Variants in RIMS2 observed in about 807,000 individuals in gnomAD.
The protein encoded by RIMS2 is regulating synaptic membrane exocytosis protein 2.
A neutral mutation model predicts 174.4 loss-of-function variants in RIMS2; 59 were observed. That is an observed-to-expected ratio of 0.34 (90% confidence interval 0.27 to 0.42). The LOEUF (loss-of-function observed/expected upper bound fraction) is 0.42, where lower values mean the gene tolerates loss of function less well. Ranked by LOEUF, RIMS2 falls within the 10% of genes least tolerant of loss-of-function variation. The pLI, the probability that RIMS2 is intolerant of heterozygous loss-of-function variation, is 1.00. For synonymous variants in RIMS2, 606 were observed against 572.5 expected (o/e 1.06, Z -0.84); for missense variants, 1,620 against 1,666.3 (o/e 0.97, Z 0.48).
chr8:103,824,983 C>T (rs1273866750), intron 3 of RIMS2, among the ~76,000 whole-genome samples: 6 of 152,142 alleles, frequency 3.9e-5, no homozygotes, highest in Admixed American at 3.9e-4. Context: ...ACATAGAAGT[C>T]GTGCTCATAT....
chr8:103,732,061 T>C (rs958699705), intron 2 of RIMS2, among the ~76,000 whole-genome samples: 1 of 152,208 alleles, frequency 6.6e-6, no homozygotes, highest in Non-Finnish European at 1.5e-5. Flanking sequence ...GGGTTGTTTG[T>C]ACTTGCACTT....
chr8:104,229,005 C>T (rs148338244), intron 19 of RIMS2, among the ~76,000 whole-genome samples: 16 of 152,200 alleles, frequency 1.1e-4, no homozygotes, highest in African/African-American at 3.9e-4. Context: ...ACCATGTGTC[C>T]AAATAGTGTC....
chr8:103,743,792 C>A (rs746908535), intron 2 of RIMS2, among the ~76,000 whole-genome samples: 4 of 152,008 alleles, frequency 2.6e-5, no homozygotes, highest in Admixed American at 6.6e-5. Context: ...TCCTTTTATT[C>A]CTATTTCTGT....
exon 18 of RIMS2, chr8:104,013,471 A>G (rs1184551470): frequency 6.2e-7 from 1 of 1,613,894 alleles, no homozygotes; most frequent in Admixed American, 1.7e-5. Context: ...AGACAGCCAT[A>G]TCACAGATCC....
At position 104,093,535 on chromosome 8, in the gene RIMS2, A is replaced by T. The variant is rs765786651; in HGVS notation, c.3334+78920A>T. The T allele has an allele frequency of 3.8e-6, 6 of 1,597,140 alleles. No homozygotes were observed. The Admixed American group carries it at 1.0e-4, about 27-fold the overall frequency. On this transcript the variant is annotated intron_variant, in intron 19 of 23. Coordinates refer to ENST00000504942, the Ensembl canonical transcript of RIMS2. ...GTTTCTACTAAATCTTCGGACAGTG[A>T]TGTAAGTGATATATCTGCGGTTTCA...
chr8:103,946,870 A>T (rs1323569918), intron 14 of RIMS2, among the ~76,000 whole-genome samples: 1 of 152,202 alleles, frequency 6.6e-6, no homozygotes, highest in Admixed American at 6.5e-5. Context: ...CAGTAATTGC[A>T]GTGGTGTAAT....
intron 19 of RIMS2, among the ~76,000 whole-genome samples, chr8:104,235,785 A>G (rs768564837): frequency 6.6e-6 from 1 of 151,990 alleles, no homozygotes; most frequent in Non-Finnish European, 1.5e-5. Flanking sequence ...ATACATCTCA[A>G]ATTTTTAAAA....
chr8:104,077,743 T>A (rs2097326228), intron 19 of RIMS2, among the ~76,000 whole-genome samples: 1 of 148,040 alleles, frequency 6.8e-6, no homozygotes, highest in Admixed American at 6.7e-5. Context: ...GTATAAATTA[T>A]GATTTAGCTG....
chr8:103,646,747 G>A (rs1307362393), intron 1 of RIMS2, among the ~76,000 whole-genome samples: 3 of 151,876 alleles, frequency 2.0e-5, no homozygotes, highest in East Asian at 3.8e-4. Context: ...AGACAATGGG[G>A]TTTTCTAGAT....
intron 19 of RIMS2, among the ~76,000 whole-genome samples, chr8:104,151,630 T>G (rs548319290): frequency 2.6e-5 from 4 of 152,210 alleles, no homozygotes; most frequent in African/African-American, 9.6e-5. Flanking sequence ...GGGATGAGTC[T>G]TTGATTTATG....
chr8:104,067,536 A>T (rs879605791), intron 19 of RIMS2, among the ~76,000 whole-genome samples: 12 of 151,272 alleles, frequency 7.9e-5, no homozygotes, highest in African/African-American at 2.7e-4. Context: ...GACTATAAGC[A>T]TGTGTCACCA....
At chr8:104,062,681 A>G (rs1216570650) in intron 19 of RIMS2, among the ~76,000 whole-genome samples, 1 of 152,180 alleles carries the variant, frequency 6.6e-6, no homozygotes, top group African/African-American at 2.4e-5. Context: ...ATACGTTTTT[A>G]TTCACTGCAC....
intron 2 of RIMS2, among the ~76,000 whole-genome samples, chr8:103,714,952 T>C (rs757653224): frequency 2.8e-4 from 43 of 152,288 alleles, no homozygotes; most frequent in Non-Finnish European, 5.1e-4. Context: ...AATTATATTA[T>C]TAAATTTTTA....
intron 1 of RIMS2, among the ~76,000 whole-genome samples, chr8:103,580,488 C>A (rs2093544816): frequency 6.6e-6 from 1 of 151,566 alleles, no homozygotes; most frequent in Non-Finnish European, 1.5e-5. Flanking sequence ...TAAAGGGGAT[C>A]AATTCAACAA....
chr8:103,810,829 G>A (rs923327492), intron 3 of RIMS2, among the ~76,000 whole-genome samples: 3 of 152,050 alleles, frequency 2.0e-5, no homozygotes, highest in Non-Finnish European at 4.4e-5. Flanking sequence ...GTAGAGAGAG[G>A]AATTATATGA....
chr8:103,672,769 C>G (rs1477248379), intron 1 of RIMS2, among the ~76,000 whole-genome samples: 1 of 151,940 alleles, frequency 6.6e-6, no homozygotes, highest in East Asian at 1.9e-4. Flanking sequence ...ATCCCTTGTC[C>G]CTCCCAAATC....
intron 1 of RIMS2, among the ~76,000 whole-genome samples, chr8:103,564,805 GCAA>G (rs917483675): frequency 6.6e-6 from 1 of 152,172 alleles, no homozygotes; most frequent in African/African-American, 2.4e-5. Context: ...TAATCCTTTA[GCAA>G]CACCCTCACA....
At chr8:103,912,478 A>G (rs550415557) in intron 6 of RIMS2, among the ~76,000 whole-genome samples, 1 of 152,274 alleles carries the variant, frequency 6.6e-6, no homozygotes, top group East Asian at 1.9e-4. Flanking sequence ...TTTATTCTTT[A>G]AGTCAAAATC....
intron 3 of RIMS2, among the ~76,000 whole-genome samples, chr8:103,854,911 T>C (rs2099019195): frequency 6.6e-6 from 1 of 151,908 alleles, no homozygotes. Context: ...CTCACTTCTT[T>C]GTAATATTTT....
Sources: allele counts gnomAD v4.1 joint callset (sites outside exome capture counted in the v4.1 genomes callset), GRCh38; gene constraint gnomAD v4.1.1; transcripts MANE v1.5; gene names NCBI Gene and HGNC (gene_info 2026-07-23, HGNC 2026-07-21).